CDH18: variants seen among roughly 807,000 people sequenced by gnomAD.
CDH18 encodes the protein cadherin 18.
In CDH18, 31 loss-of-function variants were observed where a neutral mutation model predicts 67.9. The ratio of observed to expected loss-of-function variants is 0.46; its 90% CI spans 0.34 to 0.62. The LOEUF (loss-of-function observed/expected upper bound fraction) is 0.62, where lower values mean the gene tolerates loss of function less well. Among genes scored for constraint, CDH18 ranks in the 20% least tolerant of loss-of-function variants. The pLI, the probability that CDH18 is intolerant of heterozygous loss-of-function variation, is 0.01. For synonymous variants in CDH18, 362 were observed against 347.2 expected, an observed-to-expected ratio of 1.04 and a Z score of -0.48; for missense variants, 890 against 975.5, an observed-to-expected ratio of 0.91 and a Z score of 1.17.
intron 5 of CDH18, among the ~76,000 whole-genome samples, chr5:19,666,237 T>TTTTTTA (rs760209482): frequency 1.9e-3 from 244 of 128,152 alleles, no homozygotes; most frequent in Admixed American, 3.1e-3. Flanking sequence ...CTGTATGATT[T>TTTTTTA]TTATTATTAT....
chr5:20,275,884 G>A (rs1344047817), intron 1 of CDH18, among the ~76,000 whole-genome samples: 1 of 152,126 alleles, frequency 6.6e-6, no homozygotes, highest in South Asian at 2.1e-4. Flanking sequence ...GGGAGGGAGA[G>A]TGCAGTGATT....
chr5:19,931,328 T>C (rs1793670847), intron 2 of CDH18, among the ~76,000 whole-genome samples: 1 of 151,946 alleles, frequency 6.6e-6, no homozygotes, highest in Non-Finnish European at 1.5e-5. Flanking sequence ...TACAGCTAAT[T>C]TTTTTCTGTC....
At chr5:20,479,815 A>T (rs888365530) in intron 1 of CDH18, among the ~76,000 whole-genome samples, 1 of 152,164 alleles carries the variant, frequency 6.6e-6, no homozygotes, top group African/African-American at 2.4e-5. Context: ...AGTATATTTA[A>T]CCCAAATAAA....
At chr5:20,473,214 T>G (rs887104615) in intron 1 of CDH18, among the ~76,000 whole-genome samples, 1 of 152,090 alleles carries the variant, frequency 6.6e-6, no homozygotes, top group Non-Finnish European at 1.5e-5. Flanking sequence ...ATGAAGATAT[T>G]TGTTAAAAAA....
At chr5:19,514,088 C>G (rs1483809993) in intron 10 of CDH18, among the ~76,000 whole-genome samples, 2 of 152,152 alleles carry the variant, frequency 1.3e-5, no homozygotes, top group Non-Finnish European at 2.9e-5. Flanking sequence ...TGAGTGAGAA[C>G]ATGCAGTATT....
intron 1 of CDH18, among the ~76,000 whole-genome samples, chr5:20,295,359 T>C (rs1237276655): frequency 6.6e-6 from 1 of 152,150 alleles, no homozygotes; most frequent in Admixed American, 6.5e-5. Context: ...AGTAGACCCT[T>C]AGCAGACAAT....
At chr5:19,567,767 A>C (rs1185958442) in intron 8 of CDH18, among the ~76,000 whole-genome samples, 1 of 152,166 alleles carries the variant, frequency 6.6e-6, no homozygotes, top group African/African-American at 2.4e-5. Flanking sequence ...AGAATATTTC[A>C]TATGCTAATA....
chr5:20,457,710 C>A (rs565302684), intron 1 of CDH18, among the ~76,000 whole-genome samples: 1 of 152,172 alleles, frequency 6.6e-6, no homozygotes, highest in South Asian at 2.1e-4. Context: ...GATAGCAAGC[C>A]AGTAGATCAT....
chr5:19,775,930 G>C (rs1774310076), intron 3 of CDH18, among the ~76,000 whole-genome samples: 1 of 152,078 alleles, frequency 6.6e-6, no homozygotes, highest in African/African-American at 2.4e-5. Flanking sequence ...TGGATGGGAG[G>C]ATGGCAATTA....
intron 11 of CDH18, among the ~76,000 whole-genome samples, chr5:19,488,319 T>C (rs1237562872): frequency 6.6e-6 from 1 of 152,224 alleles, no homozygotes; most frequent in African/African-American, 2.4e-5. Context: ...CTCTCAGTTA[T>C]ATCAGCAAAT....
At chr5:20,274,965 T>C (rs1315342878) in intron 1 of CDH18, among the ~76,000 whole-genome samples, 1 of 152,162 alleles carries the variant, frequency 6.6e-6, no homozygotes, top group East Asian at 1.9e-4. Flanking sequence ...CTTGACATGC[T>C]TGTTACCCTT....
At chr5:20,334,705 C>T (rs75739939) in intron 1 of CDH18, among the ~76,000 whole-genome samples, 1,744 of 151,404 alleles carry the variant, frequency 0.012, 38 homozygotes, top group African/African-American at 0.04. Flanking sequence ...CCTAATTCTT[C>T]CCAACACATA....
intron 2 of CDH18, among the ~76,000 whole-genome samples, chr5:20,153,815 G>C (rs1483020123): frequency 6.6e-6 from 1 of 152,120 alleles, no homozygotes; most frequent in African/African-American, 2.4e-5. Context: ...GCTCTACCAT[G>C]ATGACCTTAT....
chr5:19,616,121 A>C (rs1749792047), intron 5 of CDH18, among the ~76,000 whole-genome samples: 1 of 152,164 alleles, frequency 6.6e-6, no homozygotes, highest in African/African-American at 2.4e-5. Context: ...GTTAGGGGAA[A>C]ATGGCAAACA....
At chr5:20,564,465 G>C (rs974742314) in intron 1 of CDH18, among the ~76,000 whole-genome samples, 1 of 151,790 alleles carries the variant, frequency 6.6e-6, no homozygotes, top group South Asian at 2.1e-4. Context: ...TTTCAGTAGA[G>C]ACGGGGTTTC....
intron 2 of CDH18, among the ~76,000 whole-genome samples, chr5:20,057,223 T>G (rs1718350051): frequency 6.6e-6 from 1 of 152,122 alleles, no homozygotes; most frequent in Non-Finnish European, 1.5e-5. Flanking sequence ...GAATACATCA[T>G]TCATTAATCC....
intron 1 of CDH18, among the ~76,000 whole-genome samples, chr5:20,558,808 G>T (rs940002806): frequency 6.6e-6 from 1 of 151,940 alleles, no homozygotes; most frequent in Admixed American, 6.6e-5. Flanking sequence ...GGGCCAGTAA[G>T]ATTTTTTAAT....
chr5:20,493,815 G>A (rs1394556171), intron 1 of CDH18, among the ~76,000 whole-genome samples: 1 of 152,090 alleles, frequency 6.6e-6, no homozygotes. Context: ...TGCAAAGTGT[G>A]TGGACTCCTT....
chr5:20,435,778 A>G (rs572377780), intron 1 of CDH18, among the ~76,000 whole-genome samples: 1 of 152,150 alleles, frequency 6.6e-6, no homozygotes, highest in South Asian at 2.1e-4. Flanking sequence ...TAAGATACTT[A>G]ACTGTCACAA....
Sources: gnomAD v4.1 joint callset for allele counts (sites outside exome capture counted in the v4.1 genomes callset) on GRCh38, gnomAD v4.1.1 for gene constraint, MANE v1.5 for transcripts, NCBI Gene and HGNC (gene_info 2026-07-23, HGNC 2026-07-21) for gene names.